TMEM74: variants seen among roughly 807,000 people sequenced by gnomAD.
TMEM74 encodes the protein transmembrane protein 74.
A neutral mutation model predicts 18.1 loss-of-function variants in TMEM74; 13 were observed. That is an observed-to-expected ratio of 0.72 (90% confidence interval 0.47 to 1.14). The LOEUF (loss-of-function observed/expected upper bound fraction) is 1.14, where lower values mean the gene tolerates loss of function less well. Ranked by LOEUF, TMEM74 falls within the 50% of genes most tolerant of loss-of-function variation. TMEM74 has a pLI of 0.00. For missense variants in TMEM74, 372 were observed against 375.9 expected, an observed-to-expected ratio of 0.99 and a Z score of 0.09; for synonymous variants, 159 against 146.6, an observed-to-expected ratio of 1.08 and a Z score of -0.61.
intron 2 of TMEM74, among the ~76,000 whole-genome samples, chr8:108,631,609 G>A (rs1195506350): frequency 2.0e-5 from 3 of 151,940 alleles, no homozygotes; most frequent in South Asian, 2.1e-4. Flanking sequence ...TAAAGATGCC[G>A]GATATTAGAC....
exon 2 of TMEM74, chr8:108,655,422 T>TAGCC (rs1812811949): frequency 6.6e-6 from 1 of 151,548 alleles, no homozygotes; most frequent in Non-Finnish European, 1.5e-5. Flanking sequence ...CTAGGCAACA[T>TAGCC]AGCCAGACCA....
chr8:108,663,490 T>G (rs1348068762), intron 1 of TMEM74, among the ~76,000 whole-genome samples: 3 of 152,050 alleles, frequency 2.0e-5, no homozygotes, highest in Non-Finnish European at 4.4e-5. Flanking sequence ...TGGAGAAAAA[T>G]GAACGCTTTT....
chr8:108,610,499 T>C (rs1812323941), intron 2 of TMEM74, among the ~76,000 whole-genome samples: 1 of 152,120 alleles, frequency 6.6e-6, no homozygotes, highest in South Asian at 2.1e-4. Flanking sequence ...ATAGATCAAG[T>C]AGTGATTAAG....
chr8:108,724,197 C>G (rs766680907), intron 1 of TMEM74, among the ~76,000 whole-genome samples: 9 of 152,202 alleles, frequency 5.9e-5, no homozygotes, highest in Non-Finnish European at 1.0e-4. Context: ...CCTTCCCAAT[C>G]TTCCCCCTCC....
At chr8:108,680,808 T>C (rs1813106088) in intron 1 of TMEM74, among the ~76,000 whole-genome samples, 2 of 152,186 alleles carry the variant, frequency 1.3e-5, no homozygotes, top group Non-Finnish European at 2.9e-5. Flanking sequence ...GATAAGCAAC[T>C]TCAGCAAAGC....
chr8:108,691,216 G>T (rs1017807040), intron 1 of TMEM74, among the ~76,000 whole-genome samples: 2 of 152,208 alleles, frequency 1.3e-5, no homozygotes, highest in Admixed American at 6.5e-5. Context: ...AAAGAGAAAG[G>T]ATGTGATCTC....
chr8:108,781,090 C>T lies in TMEM74; in HGVS notation c.*3091G>A, dbSNP rs989272655. On this transcript the variant is annotated 3_prime_UTR_variant, in exon 2 of 2. Transcript: ENST00000297459. ...CCCATTGGGCCACACTGCTGAAAGACGAGCTGTCTTCTCATTGAGACTAGG... is the reference window on the plus strand; with the variant it reads ...CCCATTGGGCCACACTGCTGAAAGATGAGCTGTCTTCTCATTGAGACTAGG... Among the ~76,000 whole-genome samples, 4 of 152,080 alleles carry T rather than the reference C, an allele frequency of 2.6e-5. No homozygotes were observed. Among genetic ancestry groups the T allele is most frequent in the African/African-American group, 9.7e-5 (4 of 41,422 alleles).
intron 1 of TMEM74, among the ~76,000 whole-genome samples, chr8:108,704,907 T>C (rs1005205488): frequency 1.3e-5 from 2 of 152,226 alleles, no homozygotes; most frequent in Admixed American, 6.5e-5. Context: ...TTCCATGCTT[T>C]AACCCTTGAG....
chr8:108,619,538 C>T (rs1253982100), intron 2 of TMEM74, among the ~76,000 whole-genome samples: 1 of 152,150 alleles, frequency 6.6e-6, no homozygotes, highest in Non-Finnish European at 1.5e-5. Context: ...AGACCCCTGG[C>T]CACAGCTCTT....
intron 2 of TMEM74, among the ~76,000 whole-genome samples, chr8:108,654,941 C>T (rs1385637050): frequency 2.0e-5 from 3 of 152,024 alleles, no homozygotes; most frequent in South Asian, 2.1e-4. Context: ...TGTAATTTAT[C>T]GTATGATAGC....
intron 1 of TMEM74, among the ~76,000 whole-genome samples, chr8:108,686,163 A>G (rs1205258588): frequency 6.6e-6 from 1 of 152,118 alleles, no homozygotes; most frequent in Non-Finnish European, 1.5e-5. Flanking sequence ...AAGATAAACA[A>G]TGGGAGCGTA....
chr8:108,768,591 A>ACAG (rs1386096149), intron 1 of TMEM74, among the ~76,000 whole-genome samples: 1 of 152,168 alleles, frequency 6.6e-6, no homozygotes, highest in African/African-American at 2.4e-5. Flanking sequence ...CAAGTGTTGT[A>ACAG]GACTTTCACA....
intron 1 of TMEM74, among the ~76,000 whole-genome samples, chr8:108,655,826 C>G (rs1372477467): frequency 6.6e-6 from 1 of 152,128 alleles, no homozygotes; most frequent in East Asian, 1.9e-4. Flanking sequence ...CAGAAAGGTT[C>G]TTAAGAACTG....
intron 1 of TMEM74, among the ~76,000 whole-genome samples, chr8:108,728,386 A>G (rs1388027622): frequency 1.3e-5 from 2 of 152,160 alleles, no homozygotes. Context: ...CAGCATGAAT[A>G]TTTCATTTAT....
chr8:108,648,493 A>G (rs1254597973), intron 2 of TMEM74, among the ~76,000 whole-genome samples: 1 of 152,162 alleles, frequency 6.6e-6, no homozygotes, highest in East Asian at 1.9e-4. Flanking sequence ...ATGTTATTTT[A>G]CATGGCAAAA....
At chr8:108,662,320 CAGAT>C (rs1812908304) in intron 1 of TMEM74, among the ~76,000 whole-genome samples, 1 of 151,878 alleles carries the variant, frequency 6.6e-6, no homozygotes, top group South Asian at 2.1e-4. Context: ...AGAAAACAAA[CAGAT>C]AGGCAGTGAG....
chr8:108,627,028 TTTG>T (rs1372037645), intron 2 of TMEM74, among the ~76,000 whole-genome samples: 2 of 152,104 alleles, frequency 1.3e-5, no homozygotes, highest in Non-Finnish European at 2.9e-5. Flanking sequence ...CTTGTTCTCT[TTTG>T]TTAATACTAT....
chr8:108,642,580 A>G (rs557862408), intron 2 of TMEM74, among the ~76,000 whole-genome samples: 1 of 152,138 alleles, frequency 6.6e-6, no homozygotes, highest in Non-Finnish European at 1.5e-5. Context: ...CATAGTGTTC[A>G]ACAAATTTGT....
chr8:108,747,094 T>G (rs1813855567), intron 1 of TMEM74, among the ~76,000 whole-genome samples: 1 of 152,144 alleles, frequency 6.6e-6, no homozygotes, highest in African/African-American at 2.4e-5. Flanking sequence ...TGTCACAGCC[T>G]GGACTTGTGA....
Sources: allele counts gnomAD v4.1 joint callset (sites outside exome capture counted in the v4.1 genomes callset), GRCh38; gene constraint gnomAD v4.1.1; transcripts MANE v1.5; gene names NCBI Gene and HGNC (gene_info 2026-07-23, HGNC 2026-07-21).